The following RALGPS1 variants were observed in gnomAD, a reference collection of about 807,000 sequenced individuals.
RALGPS1 encodes the protein Ral GEF with PH domain and SH3 binding motif 1, also known as ras-specific guanine nucleotide-releasing factor RalGPS1.
A neutral mutation model predicts 78.8 loss-of-function variants in RALGPS1; 19 were observed. The ratio of observed to expected loss-of-function variants is 0.24; its 90% CI spans 0.17 to 0.35. RALGPS1 has a LOEUF of 0.35. RALGPS1 is among the 10% of genes least tolerant of loss of function. The pLI is 1.00. For synonymous variants in RALGPS1, 228 were observed against 256.3 expected, an observed-to-expected ratio of 0.89 and a Z score of 1.06; for missense variants, 454 against 688.3, an observed-to-expected ratio of 0.66 and a Z score of 3.81.
chr9:127,146,354 G>C (rs2058092373), intron 8 of RALGPS1, among the ~76,000 whole-genome samples: 1 of 152,012 alleles, frequency 6.6e-6, no homozygotes, highest in Admixed American at 6.6e-5. Context: ...TAATTTGCTT[G>C]GTATTATGGC....
rs150605767 is a variant in RALGPS1 at position 127,006,813 on chromosome 9, G to A, written c.217-27618G>A. Among the ~76,000 whole-genome samples, 759 of 152,182 alleles carry A rather than the reference G, an allele frequency of 5.0e-3. 5 individuals carry two copies. The highest frequency in any genetic ancestry group is 0.017 in the African/African-American group (693 of 41,500). ...GTCCACACCCCTGGTAACTGCTTCTGTTGTGCCAGGGTACAGCATACTTTG... is the reference window on the plus strand; with the variant it reads ...GTCCACACCCCTGGTAACTGCTTCTATTGTGCCAGGGTACAGCATACTTTG... On this transcript the variant is annotated intron_variant, in intron 4 of 18. Transcript: ENST00000259351.
At chr9:127,214,622 C>A in intron 17 of RALGPS1, 129 bp from the exon 18 acceptor site, 2 of 1,406,834 alleles carry the variant, frequency 1.4e-6, no homozygotes, top group Middle Eastern at 1.8e-4. Flanking sequence ...GCTTTCTCTG[C>A]ATGTTCCAGC....
chr9:126,952,654 A>AGTGTGTGTGTGTGT lies in RALGPS1; in HGVS notation c.-65-9570_-65-9569insTGTGTGTGTGTGTG, dbSNP rs1392225698. 2.2e-3 allele frequency among the ~76,000 whole-genome samples: 309 copies of AGTGTGTGTGTGTGT among 138,054 alleles called. 2 individuals are homozygous for AGTGTGTGTGTGTGT. Among genetic ancestry groups the AGTGTGTGTGTGTGT allele is most frequent in the East Asian group, 3.9e-3 (18 of 4,564 alleles). The allele number at this position is 138,054 out of a possible 152,430, so 90.6% of individuals were successfully genotyped here. On this transcript the variant is annotated intron_variant, in intron 1 of 18. Coordinates refer to ENST00000259351, the MANE Select transcript of RALGPS1 (RefSeq NM_014636.3). ...GAGAGAGAGAGAGAGAGAGAGAGAG[A>AGTGTGTGTGTGTGT]GAGTGTGTGTGTGTGTGTGTGTGTG...
intron 1 of RALGPS1, among the ~76,000 whole-genome samples, chr9:126,951,253 G>A (rs2037789251): frequency 1.4e-5 from 2 of 147,120 alleles, no homozygotes; most frequent in Admixed American, 1.4e-4. Flanking sequence ...GGAGGAACTG[G>A]TACCATTCCT....
chr9:127,070,705 T>G (rs576942477), intron 8 of RALGPS1, among the ~76,000 whole-genome samples: 2 of 152,142 alleles, frequency 1.3e-5, no homozygotes, highest in African/African-American at 2.4e-5. Context: ...CTTTTGATCT[T>G]TTATGATCTA....
At chr9:126,916,171 G>A (rs1220957936) in intron 1 of RALGPS1, among the ~76,000 whole-genome samples, 1 of 152,198 alleles carries the variant, frequency 6.6e-6, no homozygotes, top group East Asian at 1.9e-4. Context: ...AGGGACTGGA[G>A]AGTCTAAAGA....
At chr9:126,996,291 C>T (rs1331106682) in intron 4 of RALGPS1, among the ~76,000 whole-genome samples, 1 of 151,724 alleles carries the variant, frequency 6.6e-6, no homozygotes, top group Non-Finnish European at 1.5e-5. Flanking sequence ...GCTAGCAAGA[C>T]TAATAAAGAA....
At position 127,091,957 on chromosome 9, in the gene RALGPS1, A is replaced by C. The variant is rs771447250; in HGVS notation, c.610+22601A>C. 6.2e-7 allele frequency: 1 copy of C among 1,612,470 alleles called. No individual in the cohort carries two copies. The highest frequency in any genetic ancestry group is 8.5e-7 in the Non-Finnish European group (1 of 1,178,912). The stretch of plus-strand genomic sequence containing the variant: ...AAACCCTTGCTGGGGAAAACCCAGG[A>C]GAGTGTTAATGTGGAGCCTGCAGCA... On this transcript the variant is annotated intron_variant, in intron 8 of 18. Coordinates refer to ENST00000259351, the MANE Select transcript of RALGPS1 (RefSeq NM_014636.3). This position sits in a 1 kb window ranked among gnomAD's most constrained non-coding sequence, Gnocchi z 4.3.
At chr9:126,978,034 G>C (rs1043598674) in intron 4 of RALGPS1, 8 of 273,886 alleles carry the variant, frequency 2.9e-5, no homozygotes, top group South Asian at 1.7e-4. Context: ...CTTTTCCCAG[G>C]CTCCTCCTGC....
At chr9:127,067,700 A>G (rs2049839068) in intron 7 of RALGPS1, among the ~76,000 whole-genome samples, 1 of 152,202 alleles carries the variant, frequency 6.6e-6, no homozygotes, top group Non-Finnish European at 1.5e-5. Flanking sequence ...GAACTTGGCC[A>G]AAGGGACTCC....
chr9:127,133,217 G>A (rs897820607), intron 8 of RALGPS1, among the ~76,000 whole-genome samples: 1 of 152,224 alleles, frequency 6.6e-6, no homozygotes, highest in Admixed American at 6.5e-5. Context: ...AGGAGGCACC[G>A]TGCACCCTGG....
chr9:127,057,770 C>G (rs1371829480), intron 7 of RALGPS1, among the ~76,000 whole-genome samples: 1 of 152,212 alleles, frequency 6.6e-6, no homozygotes, highest in Non-Finnish European at 1.5e-5. Context: ...ATGTCAGGCC[C>G]TGAAGCCATA....
intron 11 of RALGPS1, among the ~76,000 whole-genome samples, chr9:127,193,397 T>G (rs2061182503): frequency 6.6e-6 from 1 of 151,958 alleles, no homozygotes; most frequent in Non-Finnish European, 1.5e-5. Flanking sequence ...GGCTAAGGCT[T>G]AATAAAGGGA....
chr9:127,081,565 C>T (rs962526602), intron 8 of RALGPS1, among the ~76,000 whole-genome samples: 13 of 152,236 alleles, frequency 8.5e-5, no homozygotes, highest in African/African-American at 2.2e-4. Context: ...ATGACGAGGG[C>T]GTAGGCCTCT....
chr9:126,969,486 T>C (rs988427524), intron 3 of RALGPS1, among the ~76,000 whole-genome samples: 1 of 152,318 alleles, frequency 6.6e-6, no homozygotes, highest in Admixed American at 6.5e-5. Flanking sequence ...GCTACCATAT[T>C]GGACAGTATA....
intron 4 of RALGPS1, among the ~76,000 whole-genome samples, chr9:127,032,871 A>C (rs757451438): frequency 2.0e-5 from 3 of 152,234 alleles, no homozygotes; most frequent in Non-Finnish European, 4.4e-5. Flanking sequence ...AATATATGTC[A>C]TCAGAACAAG....
At chr9:127,135,000 G>A (rs1001477541) in intron 8 of RALGPS1, among the ~76,000 whole-genome samples, 1 of 152,214 alleles carries the variant, frequency 6.6e-6, no homozygotes, top group African/African-American at 2.4e-5. Context: ...AGAGGAGACA[G>A]CACTCATCTC....
intron 8 of RALGPS1, among the ~76,000 whole-genome samples, chr9:127,131,067 C>T (rs895388174): frequency 6.6e-6 from 1 of 152,164 alleles, no homozygotes; most frequent in Non-Finnish European, 1.5e-5. Flanking sequence ...CACTATTGGC[C>T]GCTCCTTGGT....
chr9:126,917,907 G>A (rs2034338555), intron 1 of RALGPS1, among the ~76,000 whole-genome samples: 1 of 152,162 alleles, frequency 6.6e-6, no homozygotes, highest in South Asian at 2.1e-4. Context: ...CTAGCCTTCT[G>A]GTTAGCATGC....
Sources: allele counts gnomAD v4.1 joint callset (sites outside exome capture counted in the v4.1 genomes callset), GRCh38; gene constraint gnomAD v4.1.1; non-coding constraint Gnocchi (gnomAD v3.1); transcripts MANE v1.5; gene names NCBI Gene and HGNC (gene_info 2026-07-23, HGNC 2026-07-21).